The following GLCE variants were observed in gnomAD, a reference collection of about 807,000 sequenced individuals.
GLCE encodes the protein D-glucuronyl C5-epimerase.
A neutral mutation model predicts 47.9 loss-of-function variants in GLCE; 19 were observed. The observed-to-expected ratio is 0.40, with a 90% CI of 0.28 to 0.58. GLCE has a LOEUF of 0.58. Among genes scored for constraint, GLCE ranks in the 20% least tolerant of loss-of-function variants. The pLI is 0.48. For synonymous variants in GLCE, 245 were observed against 263.4 expected, an observed-to-expected ratio of 0.93 and a Z score of 0.68; for missense variants, 556 against 743.3, an observed-to-expected ratio of 0.75 and a Z score of 2.93.
intron 2 of GLCE, among the ~76,000 whole-genome samples, chr15:69,226,118 T>C (rs1230202519): frequency 6.6e-6 from 1 of 152,158 alleles, no homozygotes; most frequent in Non-Finnish European, 1.5e-5. Flanking sequence ...TAGATACAGT[T>C]ATTAGACCAT....
intron 2 of GLCE, among the ~76,000 whole-genome samples, chr15:69,229,934 G>A (rs770895865): frequency 5.9e-5 from 9 of 151,940 alleles, no homozygotes; most frequent in Non-Finnish European, 1.2e-4. Context: ...CTGAGGCTGG[G>A]TGCGGTGGCT....
At chr15:69,253,626 A>C (rs558788486) in intron 2 of GLCE, among the ~76,000 whole-genome samples, 6 of 152,230 alleles carry the variant, frequency 3.9e-5, no homozygotes, top group Admixed American at 2.6e-4. Context: ...ATCATCTAAT[A>C]TATTCAGAGA....
chr15:69,239,278 T>C (rs2052633474), intron 2 of GLCE, among the ~76,000 whole-genome samples: 1 of 152,234 alleles, frequency 6.6e-6, no homozygotes, highest in African/African-American at 2.4e-5. Context: ...TGCCTTTCTT[T>C]TTCTTTCTGG....
intron 1 of GLCE, among the ~76,000 whole-genome samples, chr15:69,162,404 A>G (rs190100950): frequency 6.6e-5 from 10 of 152,248 alleles, no homozygotes; most frequent in African/African-American, 1.9e-4. Context: ...AGGCCTGTAT[A>G]TGAAAGTTAA....
chr15:69,216,121 T>C (rs958860152), intron 2 of GLCE, among the ~76,000 whole-genome samples: 1 of 152,198 alleles, frequency 6.6e-6, no homozygotes, highest in Non-Finnish European at 1.5e-5. Context: ...TGTCTAAAGC[T>C]AGATTGCATC....
intron 4 of GLCE, among the ~76,000 whole-genome samples, 178 bp downstream of exon 4, chr15:69,261,507 C>A (rs1440379943): frequency 6.6e-6 from 1 of 151,902 alleles, no homozygotes; most frequent in South Asian, 2.1e-4. Context: ...GCTAAAAAGT[C>A]AAGGTTATAA....
At chr15:69,161,453 C>A (rs1263116396) in intron 1 of GLCE, among the ~76,000 whole-genome samples, 2 of 151,916 alleles carry the variant, frequency 1.3e-5, no homozygotes, top group Admixed American at 1.3e-4. Context: ...TCTGCTTTGC[C>A]CGGAGCGGGG....
chr15:69,168,466 C>T (rs2051537199), intron 1 of GLCE, among the ~76,000 whole-genome samples: 2 of 151,698 alleles, frequency 1.3e-5, no homozygotes, highest in Non-Finnish European at 2.9e-5. Flanking sequence ...ATCTAAGCCT[C>T]TCATCTCTTC....
At chr15:69,238,771 G>A (rs114935519) in intron 2 of GLCE, among the ~76,000 whole-genome samples, 1,689 of 152,188 alleles carry the variant, frequency 0.011, 32 homozygotes, top group African/African-American at 0.039. Flanking sequence ...TTATAAACAT[G>A]GCGACAAAAT....
At chr15:69,220,621 A>G (rs2140388554) in intron 2 of GLCE, among the ~76,000 whole-genome samples, 1 of 152,232 alleles carries the variant, frequency 6.6e-6, no homozygotes, top group Non-Finnish European at 1.5e-5. Context: ...CCAGTTTTGA[A>G]TTCGGTCGTT....
At chr15:69,242,039 A>G (rs184778870) in intron 2 of GLCE, among the ~76,000 whole-genome samples, 2 of 152,302 alleles carry the variant, frequency 1.3e-5, no homozygotes, top group Admixed American at 6.5e-5. Flanking sequence ...TTTCCTGACC[A>G]TTTCATTGGA....
intron 1 of GLCE, among the ~76,000 whole-genome samples, chr15:69,164,491 T>C (rs1382460177): frequency 1.3e-5 from 2 of 150,532 alleles, no homozygotes; most frequent in African/African-American, 4.9e-5. Context: ...CTTTAATATA[T>C]ACATATATGA....
chr15:69,175,066 G>A (rs752778757), intron 1 of GLCE, among the ~76,000 whole-genome samples: 2 of 151,896 alleles, frequency 1.3e-5, no homozygotes, highest in Non-Finnish European at 2.9e-5. Context: ...TTACAGACTC[G>A]GTGGTTGAAT....
intron 2 of GLCE, among the ~76,000 whole-genome samples, chr15:69,223,867 A>G (rs1489837106): frequency 1.3e-5 from 2 of 151,664 alleles, no homozygotes; most frequent in African/African-American, 2.4e-5. Context: ...TATATAGTGA[A>G]TTTTTCATTT....
At chr15:69,203,911 A>G (rs2052111461) in intron 1 of GLCE, among the ~76,000 whole-genome samples, 1 of 152,142 alleles carries the variant, frequency 6.6e-6, no homozygotes, top group Non-Finnish European at 1.5e-5. Flanking sequence ...GTTAAATGGA[A>G]ATAGTTGGCT....
chr15:69,161,274 C>G (rs949993078), intron 1 of GLCE, among the ~76,000 whole-genome samples: 1 of 151,912 alleles, frequency 6.6e-6, no homozygotes, highest in Non-Finnish European at 1.5e-5. Context: ...GCGTCCGTTT[C>G]GCATTGCTGG....
intron 2 of GLCE, among the ~76,000 whole-genome samples, chr15:69,241,040 T>C (rs1417314826): frequency 2.0e-5 from 3 of 152,236 alleles, no homozygotes; most frequent in Non-Finnish European, 4.4e-5. Flanking sequence ...CGAAACTTTG[T>C]ACTTTCTCTT....
chr15:69,181,102 G>A (rs184843760), intron 1 of GLCE, among the ~76,000 whole-genome samples: 5 of 152,294 alleles, frequency 3.3e-5, no homozygotes, highest in Admixed American at 3.3e-4. Flanking sequence ...AAAGTTTGTG[G>A]TCTGAGCACC....
At chr15:69,185,162 C>T (rs1288779607) in intron 1 of GLCE, among the ~76,000 whole-genome samples, 7 of 152,128 alleles carry the variant, frequency 4.6e-5, no homozygotes, top group African/African-American at 1.4e-4. Flanking sequence ...TTAAAATATG[C>T]TTCATCATAC....
Sources: allele counts gnomAD v4.1 joint callset (sites outside exome capture counted in the v4.1 genomes callset), GRCh38; gene constraint gnomAD v4.1.1; transcripts MANE v1.5; gene names NCBI Gene and HGNC (gene_info 2026-07-23, HGNC 2026-07-21).